Variants in SPDYE16 observed in about 807,000 individuals in gnomAD.
SPDYE16 encodes speedy/RINGO cell cycle regulator family member E16, also known as speedy protein E16.
A neutral mutation model predicts 40.1 loss-of-function variants in SPDYE16; 5 were observed. The ratio of observed to expected loss-of-function variants is 0.12; its 90% CI spans 0.07 to 0.26. The LOEUF is 0.26. Among genes scored for constraint, SPDYE16 ranks in the 10% least tolerant of loss-of-function variants. The probability of loss-of-function intolerance (pLI) is 1.00; values close to 1 mark genes in which losing one functional copy is unlikely to be tolerated. For synonymous variants in SPDYE16, 40 were observed against 154.2 expected (o/e 0.26, Z 5.49); for missense variants, 98 against 409.8 (o/e 0.24, Z 6.57).
In SPDYE16 at chr7:76,541,959, A is replaced by G. The variant is rs1813196769; in HGVS notation, c.-421-79T>C. ...GAAACCTTATAAGAGTGAGATTATC[A>G]TGTACAAGAGTGAGATTATCACGTA... On this transcript the variant is annotated intron_variant, in intron 1 of 8. Transcript: ENST00000633306. Among the ~76,000 whole-genome samples the G allele has an allele frequency of 1.6e-5, 2 of 126,906 alleles. 1 individual carries two copies. The highest frequency in any genetic ancestry group is 5.3e-4 in the South Asian group (2 of 3,804). 83.3% of individuals were successfully genotyped at this position (126,906 alleles called of 152,430 possible).
Position 76,541,349 on chromosome 7 carries a change from C to G in SPDYE16, c.111G>C (p.Ser37=). ...QNEQSPQRST[S]GYSLQEVVDD... is the part of the protein sequence containing the mutation. ...CCACCACCTCCTGGAGGGAGTACCC[C>G]GAGGTGCTCCGCTGGGGACTCTGCT... is the stretch of plus-strand genomic sequence containing the variant. Residue 37 remains serine, a synonymous_variant, in exon 2 of 9, where the codon TCG becomes TCC. Transcript: ENST00000633306. 1.3e-6 allele frequency: 2 copies of G among 1,534,868 alleles called. No individual in the cohort carries two copies. The highest frequency in any genetic ancestry group is 1.2e-5 in the South Asian group (1 of 83,964).
chr7:76,535,858 C>T (rs2116713232), intron 6 of SPDYE16, among the ~76,000 whole-genome samples: 1 of 86,288 alleles, frequency 1.2e-5, no homozygotes, highest in African/African-American at 6.1e-5. Context: ...TGCACACCAC[C>T]ACGCCCAGCT....
rs1193621613 is a variant in SPDYE16 at position 76,539,447 on chromosome 7, C to CTT, written c.380-633_380-632dup. Among the ~76,000 whole-genome samples the CTT allele has an allele frequency of 4.5e-3, 136 of 30,266 alleles. 3 individuals are homozygous for CTT. The highest frequency in any genetic ancestry group is 0.033 in the Middle Eastern group (1 of 30). The allele number at this position is 30,266 out of a possible 152,430, so 19.9% of individuals were successfully genotyped here. A position where few individuals can be genotyped will look rare whatever the true frequency, so the allele number is the denominator to read the frequency against. On this transcript the variant is annotated intron_variant, in intron 3 of 8. Coordinates refer to ENST00000633306, the MANE Select transcript of SPDYE16 (RefSeq NM_001394943.1). ...CTGACTTCTGGGCCCGCCCTTCCTT[C>CTT]TTTTTTTTTTTTTTTTTTTTTTTTT...
Position 76,541,487 on chromosome 7 carries a change from C to G in SPDYE16, c.-28G>C. The G allele has an allele frequency of 3.9e-6, 6 of 1,533,692 alleles. No homozygotes were observed. The South Asian group carries it at 6.0e-5, about 15-fold the overall frequency. On this transcript the variant is annotated 5_prime_UTR_variant, in exon 2 of 9. Coordinates refer to ENST00000633306, the MANE Select transcript of SPDYE16 (RefSeq NM_001394943.1). ...CCTTCTTCTGGACACTGCTAGGATC[C>G]AGAAGAGTATGTTATCAATTCTCAA...
rs1198003525 is a variant in SPDYE16 at position 76,533,470 on chromosome 7, C to T, written c.*45+179G>A. ...GCTCCAGCGATCCTCCCGCCTCAGC[C>T]TCCTGAGTAGTTGGGAGTAGAGATG... On this transcript the variant is annotated intron_variant, in intron 8 of 8. Transcript: ENST00000633306. 2 of 713,744 alleles carry T rather than the reference C, an allele frequency of 2.8e-6. 1 individual carries two copies. The highest frequency in any genetic ancestry group is 3.8e-6 in the Non-Finnish European group (2 of 533,306). The allele number at this position is 713,744 out of a possible 1,614,324, so 44.2% of individuals were successfully genotyped here. A position where few individuals can be genotyped will look rare whatever the true frequency, so the allele number is the denominator to read the frequency against.
intron 6 of SPDYE16, among the ~76,000 whole-genome samples, chr7:76,534,715 A>G (rs1177903566): frequency 6.9e-6 from 1 of 144,460 alleles, no homozygotes; most frequent in East Asian, 2.0e-4. Context: ...AGATTGGGCC[A>G]CTCCATTCCA....
intron 4 of SPDYE16, 61 bp from the exon 5 acceptor site, chr7:76,537,612 G>A: frequency 1.1e-6 from 1 of 911,956 alleles, no homozygotes; most frequent in South Asian, 2.1e-5. Flanking sequence ...GGGAGCAGCA[G>A]GGCAGTGAGG....
At position 76,541,462 on chromosome 7, in the gene SPDYE16, C is replaced by A; in HGVS notation, c.-3G>T. On this transcript the variant is annotated 5_prime_UTR_variant, in exon 2 of 9. Transcript: ENST00000633306. The stretch of plus-strand genomic sequence containing the variant: ...AACCTAGTCTCCGTTCTGTCCATGG[C>A]CTTCTTCTGGACACTGCTAGGATCC... The A allele has an allele frequency of 1.1e-5, 17 of 1,534,362 alleles. No homozygotes were observed. Among genetic ancestry groups the A allele is most frequent in the Non-Finnish European group, 1.4e-5 (16 of 1,146,572 alleles).
intron 4 of SPDYE16, among the ~76,000 whole-genome samples, chr7:76,538,321 C>T (rs1457110240): frequency 9.5e-6 from 1 of 105,370 alleles, no homozygotes; most frequent in Non-Finnish European, 2.0e-5. Flanking sequence ...TTGCCTCAGC[C>T]TCCCAACGTG....
chr7:76,532,337 C>A lies in SPDYE16; in HGVS notation c.*503G>T, dbSNP rs1812941079. 1 of 92,830 alleles carries A rather than the reference C, an allele frequency of 1.1e-5. No homozygotes were observed. The highest frequency in any genetic ancestry group is 2.0e-5 in the Non-Finnish European group (1 of 49,812). The allele number at this position is 92,830 out of a possible 1,614,324, so 5.8% of individuals were successfully genotyped here. A position where few individuals can be genotyped will look rare whatever the true frequency, so the allele number is the denominator to read the frequency against. On this transcript the variant is annotated 3_prime_UTR_variant, in exon 9 of 9. Coordinates refer to ENST00000633306, the MANE Select transcript of SPDYE16 (RefSeq NM_001394943.1). ...CAATGGCCAACATTTTCCAAACAAA[C>A]CAATAAAATGCAGAGTGTGCATGAA...
chr7:76,540,655 T>C lies in SPDYE16; in HGVS notation c.161-309A>G. 2 of 755,666 alleles carry C rather than the reference T, an allele frequency of 2.6e-6. 1 individual carries two copies. Among genetic ancestry groups the C allele is most frequent in the Non-Finnish European group, 3.5e-6 (2 of 574,032 alleles). 46.8% of individuals were successfully genotyped at this position (755,666 alleles called of 1,614,324 possible). On this transcript the variant is annotated intron_variant, in intron 2 of 8. Transcript: ENST00000633306. Reference sequence around the variant, plus strand: ...CTTTGTCACCCAGGCTGGAGTGTAGTGGTGCAATCTCAGCTCACTGCAACA... The same window carrying C: ...CTTTGTCACCCAGGCTGGAGTGTAGCGGTGCAATCTCAGCTCACTGCAACA...
Position 76,534,016 on chromosome 7 carries a change from G to A in SPDYE16, c.859C>T (p.Arg287Cys), listed in dbSNP as rs200642342. The change falls in exon 7 of 9, where the codon CGT (arginine) becomes TGT (cysteine). Residue 287 changes from arginine to cysteine, a missense_variant. Arg to Cys is a radical substitution (Grantham distance 180, BLOSUM62 -3). Transcript: ENST00000633306. ...TRSRIPLVRN[R>C]RFQLCRCMNP... ...ATGCAACGGCATAACTGGAACCGAC[G>A]GTTACGGACCAAGGGTATGCGAGAG... 1,232 of 1,467,920 alleles carry A rather than the reference G, an allele frequency of 8.4e-4. 146 individuals are homozygous for A. The highest frequency in any genetic ancestry group is 8.5e-4 in the Non-Finnish European group (936 of 1,102,364). 90.9% of individuals were successfully genotyped at this position (1,467,920 alleles called of 1,614,324 possible).
At chr7:76,534,821 TAAA>T (rs1563773674) in intron 6 of SPDYE16, among the ~76,000 whole-genome samples, 1 of 125,940 alleles carries the variant, frequency 7.9e-6, no homozygotes, top group Non-Finnish European at 1.7e-5. Flanking sequence ...TCGGAGCTAA[TAAA>T]GAAGCTGAGG....
At chr7:76,541,239 T>C (rs3902000) in intron 2 of SPDYE16, 61 bp downstream of exon 2, 672,634 of 1,257,022 alleles carry the variant, frequency 0.54, 169,676 homozygotes, top group African/African-American at 0.71. Context: ...CCACCGCACC[T>C]GGCCCCCTTC....
rs1394946627 is a variant in SPDYE16 at position 76,533,152 on chromosome 7, T to G, written c.*46-358A>C. Reference sequence around the variant, plus strand: ...TTAAGATCTAAACTTGTAACCATGCTAGATGTGTTTCTAATGTGACAACAT... The same window carrying G: ...TTAAGATCTAAACTTGTAACCATGCGAGATGTGTTTCTAATGTGACAACAT... On this transcript the variant is annotated intron_variant, in intron 8 of 8. Transcript: ENST00000633306. 1.1e-5 allele frequency: 7 copies of G among 628,252 alleles called. 1 individual carries two copies. Among genetic ancestry groups the G allele is most frequent in the Non-Finnish European group, 1.3e-5 (7 of 526,150 alleles). 38.9% of individuals were successfully genotyped at this position (628,252 alleles called of 1,614,324 possible).
chr7:76,539,070 T>C (rs1303261476), intron 3 of SPDYE16, among the ~76,000 whole-genome samples: 3 of 74,776 alleles, frequency 4.0e-5, no homozygotes, highest in South Asian at 5.1e-4. Context: ...AGTCTCTCTT[T>C]TTTTTTTTTT....
intron 3 of SPDYE16, among the ~76,000 whole-genome samples, chr7:76,539,480 C>T (rs1286368345): frequency 3.0e-5 from 2 of 67,670 alleles, no homozygotes; most frequent in East Asian, 7.4e-4. Context: ...TTTGAGAGAG[C>T]GTCTCACTCT....
chr7:76,537,622 G>C, intron 4 of SPDYE16, 71 bp from the exon 5 acceptor site: 1 of 914,738 alleles, frequency 1.1e-6, no homozygotes, highest in Non-Finnish European at 1.5e-6. Flanking sequence ...GGGCAGTGAG[G>C]AGAAGTGTGC....
At position 76,541,766 on chromosome 7, in the gene SPDYE16, G is replaced by A. The variant is rs3960511; in HGVS notation, c.-307C>T. Among the ~76,000 whole-genome samples, 33,325 of 91,714 alleles carry A rather than the reference G, an allele frequency of 0.36. 2,789 individuals are homozygous for A. The highest frequency in any genetic ancestry group is 0.52 in the Middle Eastern group (104 of 200). 60.2% of individuals were successfully genotyped at this position (91,714 alleles called of 152,430 possible). A position where few individuals can be genotyped will look rare whatever the true frequency, so the allele number is the denominator to read the frequency against. ...CAGACCATTGTCCAAAAGCATCTTC[G>A]GGGACTCCACATCCCTCTGTTCCCT... On this transcript the variant is annotated 5_prime_UTR_variant, in exon 2 of 9. The change creates a premature stop within an existing upstream ORF in the 5' untranslated region. Coordinates refer to ENST00000633306, the MANE Select transcript of SPDYE16 (RefSeq NM_001394943.1).
Sources: gnomAD v4.1 joint callset for allele counts (sites outside exome capture counted in the v4.1 genomes callset) on GRCh38, gnomAD v4.1.1 for gene constraint, MANE v1.5 for transcripts, NCBI Gene and HGNC (gene_info 2026-07-23, HGNC 2026-07-21) for gene names.